The following DCLK1 variants were observed in gnomAD, a reference collection of about 807,000 sequenced individuals.
DCLK1 encodes the protein serine/threonine-protein kinase DCLK1.
Under a neutral mutation model 86.2 loss-of-function variants are expected in DCLK1, and 16 were observed. The observed-to-expected ratio is 0.19, with a 90% CI of 0.13 to 0.28. The LOEUF (loss-of-function observed/expected upper bound fraction) is 0.28, where lower values mean the gene tolerates loss of function less well. Among genes scored for constraint, DCLK1 ranks in the 10% least tolerant of loss-of-function variants. The pLI, the probability that DCLK1 is intolerant of heterozygous loss-of-function variation, is 1.00. For synonymous variants in DCLK1, 369 were observed against 370.5 expected (o/e 1.00, Z 0.05); for missense variants, 590 against 940.2 (o/e 0.63, Z 4.87).
chr13:35,810,780 G>T, intron 12 of DCLK1, 55 bp downstream of exon 12: 2 of 1,589,330 alleles, frequency 1.3e-6, no homozygotes, highest in Non-Finnish European at 1.7e-6. Flanking sequence ...TCCTATTCTC[G>T]AAGCGGGCTA....
chr13:36,097,829 A>G (rs1357400074), intron 3 of DCLK1, among the ~76,000 whole-genome samples: 3 of 152,184 alleles, frequency 2.0e-5, no homozygotes, highest in Admixed American at 2.0e-4. Context: ...AAGCTCAGCA[A>G]TAAATTGTGA....
chr13:36,095,449 G>T (rs1357082527), intron 3 of DCLK1, among the ~76,000 whole-genome samples: 1 of 151,770 alleles, frequency 6.6e-6, no homozygotes, highest in Non-Finnish European at 1.5e-5. Flanking sequence ...CAGGCAATCC[G>T]CCCGCCTCAA....
intron 4 of DCLK1, among the ~76,000 whole-genome samples, chr13:35,903,696 C>A (rs1220820500): frequency 6.6e-6 from 1 of 151,988 alleles, no homozygotes; most frequent in Admixed American, 6.6e-5. Flanking sequence ...AGACTATCCA[C>A]CCCCTCCAAA....
intron 3 of DCLK1, among the ~76,000 whole-genome samples, chr13:35,973,343 C>T (rs1214394949): frequency 6.6e-6 from 1 of 152,194 alleles, no homozygotes; most frequent in Non-Finnish European, 1.5e-5. Context: ...CTGGGAAGAC[C>T]TCCCCTTGCT....
At chr13:36,000,112 A>G (rs1212500243) in intron 3 of DCLK1, among the ~76,000 whole-genome samples, 1 of 152,170 alleles carries the variant, frequency 6.6e-6, no homozygotes, top group Non-Finnish European at 1.5e-5. Flanking sequence ...TTACATGGCC[A>G]GCCTGCCCTA....
At chr13:36,026,204 C>T (rs948634373) in intron 3 of DCLK1, among the ~76,000 whole-genome samples, 2 of 152,236 alleles carry the variant, frequency 1.3e-5, no homozygotes, top group African/African-American at 4.8e-5. Context: ...ATGTGTTGAT[C>T]TGGCATTATT....
chr13:35,849,733 A>G, intron 6 of DCLK1: 1 of 985,280 alleles, frequency 1.0e-6, no homozygotes, highest in Non-Finnish European at 1.2e-6. Context: ...AAACACCAGC[A>G]AGATTGAGAA....
At chr13:36,069,102 C>T (rs1005031112) in intron 3 of DCLK1, among the ~76,000 whole-genome samples, 1 of 152,130 alleles carries the variant, frequency 6.6e-6, no homozygotes, top group Non-Finnish European at 1.5e-5. Context: ...GCAATAATTT[C>T]TATTTGTCAG....
At chr13:36,017,576 T>C (rs1431948372) in intron 3 of DCLK1, among the ~76,000 whole-genome samples, 1 of 152,168 alleles carries the variant, frequency 6.6e-6, no homozygotes, top group African/African-American at 2.4e-5. Context: ...AATGAAAAAC[T>C]AAATGGTGTT....
At chr13:35,867,889 G>A (rs80258143) in intron 5 of DCLK1, among the ~76,000 whole-genome samples, 25 of 75,390 alleles carry the variant, frequency 3.3e-4, no homozygotes, top group Admixed American at 4.9e-4. Flanking sequence ...GAGAGAGAGA[G>A]AGAAAGAGAG....
At chr13:36,036,703 A>T (rs957226481) in intron 3 of DCLK1, among the ~76,000 whole-genome samples, 1 of 152,190 alleles carries the variant, frequency 6.6e-6, no homozygotes, top group Non-Finnish European at 1.5e-5. Flanking sequence ...GATTTTATAC[A>T]TGTTAAACAT....
chr13:35,855,911 A>G (rs1871028298), intron 5 of DCLK1: 1 of 1,009,768 alleles, frequency 9.9e-7, no homozygotes, highest in Non-Finnish European at 1.2e-6. Flanking sequence ...CGAAATGACA[A>G]TAACTCTTCT....
intron 4 of DCLK1, among the ~76,000 whole-genome samples, chr13:35,923,879 C>T (rs1243415987): frequency 6.6e-6 from 1 of 152,140 alleles, no homozygotes; most frequent in Non-Finnish European, 1.5e-5. Flanking sequence ...AATTTTGATG[C>T]TCACAAGACA....
chr13:35,984,897 GCACACACACA>G (rs10598942), intron 3 of DCLK1, among the ~76,000 whole-genome samples: 1 of 148,254 alleles, frequency 6.7e-6, no homozygotes, highest in Non-Finnish European at 1.5e-5. Flanking sequence ...GCGTGCGCAT[GCACACACACA>G]CACACACACA....
At chr13:35,982,151 T>A (rs1395433431) in intron 3 of DCLK1, among the ~76,000 whole-genome samples, 1 of 151,980 alleles carries the variant, frequency 6.6e-6, no homozygotes, top group South Asian at 2.1e-4. Context: ...CCCGGAGGGA[T>A]CCTGGGCCAG....
At chr13:35,926,688 T>C (rs1593739462) in intron 4 of DCLK1, among the ~76,000 whole-genome samples, 1 of 152,356 alleles carries the variant, frequency 6.6e-6, no homozygotes, top group East Asian at 1.9e-4. Context: ...TAGTAATATT[T>C]GTCCATTATA....
At chr13:36,033,898 C>G (rs1882389337) in intron 3 of DCLK1, among the ~76,000 whole-genome samples, 1 of 152,198 alleles carries the variant, frequency 6.6e-6, no homozygotes, top group African/African-American at 2.4e-5. Flanking sequence ...GCGCTCCAGC[C>G]TGGGCAACAA....
At chr13:35,873,454 G>A (rs1358032308) in intron 4 of DCLK1, among the ~76,000 whole-genome samples, 2 of 151,636 alleles carry the variant, frequency 1.3e-5, no homozygotes, top group East Asian at 2.0e-4. Flanking sequence ...GCGTGATCTC[G>A]GGTCACTGCA....
intron 11 of DCLK1, among the ~76,000 whole-genome samples, chr13:35,813,995 T>C (rs1349759663): frequency 6.6e-6 from 1 of 152,172 alleles, no homozygotes; most frequent in Admixed American, 6.5e-5. Flanking sequence ...ACTCTGTTTT[T>C]TTTCTCTGTC....
Sources: allele counts gnomAD v4.1 joint callset (sites outside exome capture counted in the v4.1 genomes callset), GRCh38; gene constraint gnomAD v4.1.1; transcripts MANE v1.5; gene names NCBI Gene and HGNC (gene_info 2026-07-23, HGNC 2026-07-21).